The following IGF2BP2 variants were observed in gnomAD, a reference collection of about 807,000 sequenced individuals.
IGF2BP2 encodes insulin like growth factor 2 mRNA binding protein 2.
Under a neutral mutation model 75.8 loss-of-function variants are expected in IGF2BP2, and 17 were observed. That is an observed-to-expected ratio of 0.22 (90% CI 0.15 to 0.34). IGF2BP2 has a LOEUF of 0.34. Among genes scored for constraint, IGF2BP2 ranks in the 10% least tolerant of loss-of-function variants. IGF2BP2 has a pLI of 1.00. For synonymous variants in IGF2BP2, 288 were observed against 295.6 expected (o/e 0.97, Z 0.26); for missense variants, 516 against 772.4 (o/e 0.67, Z 3.93).
Position 185,689,513 on chromosome 3 carries a change from G to T in IGF2BP2, c.519C>A (p.Asp173Glu). 1 of 1,614,106 alleles carries T rather than the reference G, an allele frequency of 6.2e-7. No homozygotes were observed. The change falls in exon 6 of 16, where the codon GAC becomes GAA. Residue 173 changes from aspartate to glutamate, a missense_variant. Physicochemically the swap from Asp to Glu is conservative, Grantham distance 45. This residue lies in a region of IGF2BP2 where 312 missense variants were observed against 474.5 expected (regional missense o/e 0.66). Coordinates refer to ENST00000382199, the MANE Select transcript of IGF2BP2 (RefSeq NM_006548.6). The part of the protein sequence containing the change: ...PSPPQRAQRG[D>E]HSSREQGHAP... ...CGTGGCCTTGCTCCCGGGAAGAGTGGTCCCCACGCTGGGCTCGCTGAGGGG... is the reference window on the plus strand; with the variant it reads ...CGTGGCCTTGCTCCCGGGAAGAGTGTTCCCCACGCTGGGCTCGCTGAGGGG...
At chr3:185,808,597 T>C (rs1177281500) in intron 2 of IGF2BP2, among the ~76,000 whole-genome samples, 1 of 152,102 alleles carries the variant, frequency 6.6e-6, no homozygotes, top group African/African-American at 2.4e-5. Context: ...TCTCTCTCTA[T>C]TACCCAGGCT....
chr3:185,687,469 T>TTTGGTAAATG (rs1721306007), intron 6 of IGF2BP2, among the ~76,000 whole-genome samples: 4 of 152,198 alleles, frequency 2.6e-5, no homozygotes, highest in Admixed American at 2.6e-4. Context: ...ATGAAGCCAG[T>TTTGGTAAATG]TTGGTAAATG....
At chr3:185,668,405 G>A (rs903841831) in intron 10 of IGF2BP2, among the ~76,000 whole-genome samples, 1 of 151,110 alleles carries the variant, frequency 6.6e-6, no homozygotes, top group African/African-American at 2.4e-5. Flanking sequence ...TCTAGGGCGG[G>A]GGTATTGGGT....
At chr3:185,794,726 T>C (rs1045286589) in intron 2 of IGF2BP2, among the ~76,000 whole-genome samples, 4 of 151,886 alleles carry the variant, frequency 2.6e-5, no homozygotes, top group Admixed American at 1.3e-4. Context: ...GGTAAGTACA[T>C]TCATGCCATT....
chr3:185,655,823 C>T (rs1320699570), intron 12 of IGF2BP2, among the ~76,000 whole-genome samples: 1 of 152,240 alleles, frequency 6.6e-6, no homozygotes, highest in Admixed American at 6.5e-5. Flanking sequence ...AATCTTGGCT[C>T]TCTCATTCTT....
intron 2 of IGF2BP2, among the ~76,000 whole-genome samples, chr3:185,764,488 A>G (rs1732789691): frequency 6.6e-6 from 1 of 152,216 alleles, no homozygotes; most frequent in Admixed American, 6.5e-5. Flanking sequence ...AGGGAGAAGC[A>G]TTCCTAATAT....
At chr3:185,741,918 A>T (rs574307206) in intron 2 of IGF2BP2, among the ~76,000 whole-genome samples, 1 of 152,208 alleles carries the variant, frequency 6.6e-6, no homozygotes, top group African/African-American at 2.4e-5. Context: ...AGAAACATGA[A>T]CAACCCCTCT....
Position 185,645,803 on chromosome 3 carries a change from A to G in IGF2BP2, c.1708-180T>C, listed in dbSNP as rs1713417765. On this transcript the variant is annotated intron_variant, in intron 15 of 15. Coordinates refer to ENST00000382199, the MANE Select transcript of IGF2BP2 (RefSeq NM_006548.6). This position sits in a 1 kb window ranked among gnomAD's most constrained non-coding sequence, Gnocchi z 4.9. ...TTTTCTGCCTGGAAGTAAGTGGCAG[A>G]GGTCCCCCCTCCACTCCCACCCCAA... Among the ~76,000 whole-genome samples the G allele has an allele frequency of 6.6e-6, 1 of 152,016 alleles. No homozygotes were observed. The highest frequency in any genetic ancestry group is 2.4e-5 in the African/African-American group (1 of 41,378).
At chr3:185,766,524 A>G (rs1138239) in intron 2 of IGF2BP2, among the ~76,000 whole-genome samples, 28,832 of 152,184 alleles carry the variant, frequency 0.19, 3,228 homozygotes, top group Middle Eastern at 0.29. Flanking sequence ...ATAAAGTTTT[A>G]TTGGAACACA....
chr3:185,789,608 T>C (rs979188148), intron 2 of IGF2BP2, among the ~76,000 whole-genome samples: 4 of 151,736 alleles, frequency 2.6e-5, no homozygotes, highest in Non-Finnish European at 4.4e-5. Flanking sequence ...TCCCTGGTTA[T>C]GAATGTCCTT....
At chr3:185,788,637 G>A (rs999883393) in intron 2 of IGF2BP2, among the ~76,000 whole-genome samples, 1 of 151,418 alleles carries the variant, frequency 6.6e-6, no homozygotes, top group Non-Finnish European at 1.5e-5. Flanking sequence ...GGGTTCCTGT[G>A]GAAAAACAAA....
At chr3:185,760,341 GTTACTCTC>G (rs1341975176) in intron 2 of IGF2BP2, among the ~76,000 whole-genome samples, 2 of 151,964 alleles carry the variant, frequency 1.3e-5, no homozygotes, top group Non-Finnish European at 2.9e-5. Context: ...CCTTCAGTAT[GTTACTCTC>G]TTTTGTAATT....
chr3:185,692,961 G>A (rs561079318), intron 4 of IGF2BP2, among the ~76,000 whole-genome samples, 199 bp from the exon 5 acceptor site: 14 of 152,180 alleles, frequency 9.2e-5, no homozygotes, highest in African/African-American at 3.1e-4. Flanking sequence ...GTAATCAATC[G>A]TATGAACAAC....
chr3:185,769,830 CAAAAAAA>C (rs35418660), intron 2 of IGF2BP2, among the ~76,000 whole-genome samples: 34 of 77,204 alleles, frequency 4.4e-4, no homozygotes, highest in South Asian at 3.8e-3. Flanking sequence ...ACCCTGTCTC[CAAAAAAA>C]AAAAAAAAAA....
intron 10 of IGF2BP2, among the ~76,000 whole-genome samples, chr3:185,662,513 T>C (rs1716621431): frequency 6.9e-6 from 1 of 145,576 alleles, no homozygotes; most frequent in African/African-American, 2.5e-5. Flanking sequence ...AAAAGTGTCT[T>C]ATCAGAGCAT....
chr3:185,760,187 G>A (rs1732167111), intron 2 of IGF2BP2, among the ~76,000 whole-genome samples: 1 of 152,020 alleles, frequency 6.6e-6, no homozygotes, highest in African/African-American at 2.4e-5. Flanking sequence ...GTTCACAATG[G>A]AAAGAAACTT....
rs530702979 is a variant in IGF2BP2, at chr3:185,737,643, A to T, written c.240-39296T>A. Among the ~76,000 whole-genome samples, 3 of 152,354 alleles carry T rather than the reference A, an allele frequency of 2.0e-5. No individual in the cohort carries two copies. In the East Asian group the frequency reaches 5.8e-4, roughly 29 times the overall value. On this transcript the variant is annotated intron_variant, in intron 2 of 15. Coordinates refer to ENST00000382199, the MANE Select transcript of IGF2BP2 (RefSeq NM_006548.6). ...TGGCATTCGCAGTAACAGTTACATT[A>T]TTCTATACATTGAGTGCTTTACATT...
intron 2 of IGF2BP2, among the ~76,000 whole-genome samples, chr3:185,800,711 C>CCA (rs372943686): frequency 4.6e-4 from 60 of 131,024 alleles, no homozygotes; most frequent in South Asian, 2.1e-3. Context: ...GGTGACTGAG[C>CCA]CAAAAAAAAA....
At chr3:185,761,950 C>T (rs909775681) in intron 2 of IGF2BP2, among the ~76,000 whole-genome samples, 3 of 152,172 alleles carry the variant, frequency 2.0e-5, no homozygotes, top group Non-Finnish European at 2.9e-5. Flanking sequence ...CCAAGGGACA[C>T]GAATTTCCTT....
Sources: allele counts gnomAD v4.1 joint callset (sites outside exome capture counted in the v4.1 genomes callset), GRCh38; gene constraint gnomAD v4.1.1; regional missense constraint gnomAD v4.1.1; non-coding constraint Gnocchi (gnomAD v3.1); transcripts MANE v1.5; gene names NCBI Gene and HGNC (gene_info 2026-07-23, HGNC 2026-07-21).